The following DTNA variants were observed in gnomAD, a reference collection of about 807,000 sequenced individuals.
DTNA encodes dystrophin-related protein 3.
A neutral mutation model predicts 100.7 loss-of-function variants in DTNA; 43 were observed. The observed-to-expected ratio is 0.43, with a 90% CI of 0.33 to 0.55. DTNA has a LOEUF of 0.55. Among genes scored for constraint, DTNA ranks in the 20% least tolerant of loss-of-function variants. The probability of loss-of-function intolerance (pLI) is 0.04; values close to 1 mark genes in which losing one functional copy is unlikely to be tolerated. For missense variants in DTNA, 798 were observed against 953.9 expected, an observed-to-expected ratio of 0.84 and a Z score of 2.15; for synonymous variants, 349 against 347.9, an observed-to-expected ratio of 1.00 and a Z score of -0.04.
intron 17 of DTNA, among the ~76,000 whole-genome samples, chr18:34,874,974 G>A (rs1025791893): frequency 3.3e-5 from 5 of 152,296 alleles, no homozygotes; most frequent in East Asian, 3.9e-4. Context: ...TTCATTTTAT[G>A]GGCACATGTC....
At chr18:34,566,168 G>C (rs111669149) in intron 1 of DTNA, among the ~76,000 whole-genome samples, 1 of 152,066 alleles carries the variant, frequency 6.6e-6, no homozygotes, top group Non-Finnish European at 1.5e-5. Flanking sequence ...CAATGACCAA[G>C]TAATGTCCAT....
intron 2 of DTNA, among the ~76,000 whole-genome samples, chr18:34,760,670 G>A (rs565286134): frequency 1.5e-3 from 225 of 152,286 alleles, no homozygotes; most frequent in Non-Finnish European, 2.6e-3. Flanking sequence ...TGCGGTCTTT[G>A]AACAACTGCC....
intron 13 of DTNA, among the ~76,000 whole-genome samples, chr18:34,846,452 G>A (rs2149835894): frequency 6.6e-6 from 1 of 152,178 alleles, no homozygotes; most frequent in South Asian, 2.1e-4. Flanking sequence ...TCTCATTTGA[G>A]CAAAAGGAAA....
intron 1 of DTNA, among the ~76,000 whole-genome samples, chr18:34,620,256 T>C (rs2056207061): frequency 6.6e-6 from 1 of 152,094 alleles, no homozygotes; most frequent in African/African-American, 2.4e-5. Context: ...TTTGATGGTG[T>C]AGAAAGGAAA....
intron 9 of DTNA, among the ~76,000 whole-genome samples, chr18:34,821,635 C>T (rs1206192331): frequency 1.3e-5 from 2 of 152,108 alleles, no homozygotes; most frequent in African/African-American, 4.8e-5. Flanking sequence ...CTTGGTGTTA[C>T]CTGGGGCTCA....
At chr18:34,540,046 A>C (rs1263789429) in intron 1 of DTNA, among the ~76,000 whole-genome samples, 1 of 151,958 alleles carries the variant, frequency 6.6e-6, no homozygotes, top group Admixed American at 6.6e-5. Context: ...TGATTTTTGA[A>C]TAATTCATTT....
intron 1 of DTNA, among the ~76,000 whole-genome samples, chr18:34,670,301 G>A (rs547874961): frequency 6.6e-5 from 10 of 152,220 alleles, no homozygotes; most frequent in Non-Finnish European, 1.5e-4. Flanking sequence ...CTCTGCATTG[G>A]TTATTCTAGT....
intron 1 of DTNA, among the ~76,000 whole-genome samples, chr18:34,500,875 G>T (rs959884723): frequency 6.6e-6 from 1 of 152,134 alleles, no homozygotes; most frequent in Admixed American, 6.5e-5. Context: ...TAACAGATTA[G>T]CTATGTAGAC....
intron 1 of DTNA, among the ~76,000 whole-genome samples, chr18:34,733,547 T>C (rs2088823081): frequency 1.3e-5 from 2 of 152,182 alleles, no homozygotes; most frequent in Non-Finnish European, 2.9e-5. Context: ...GATCCAATTA[T>C]TCCCACTGTA....
chr18:34,854,177 G>T (rs1003631822), intron 15 of DTNA, among the ~76,000 whole-genome samples: 1 of 152,162 alleles, frequency 6.6e-6, no homozygotes, highest in African/African-American at 2.4e-5. Context: ...GTCCTCAAAT[G>T]TACTGATACT....
intron 3 of DTNA, among the ~76,000 whole-genome samples, chr18:34,769,157 C>T (rs2093635411): frequency 6.6e-6 from 1 of 152,166 alleles, no homozygotes; most frequent in Admixed American, 6.5e-5. Context: ...ATTGTTTCTA[C>T]CTTCATCAGA....
intron 4 of DTNA, among the ~76,000 whole-genome samples, chr18:34,798,038 C>A (rs147298373): frequency 6.6e-6 from 1 of 152,130 alleles, no homozygotes; most frequent in Non-Finnish European, 1.5e-5. Flanking sequence ...CTCACTCTGC[C>A]GCCCAGGCTG....
At chr18:34,829,066 G>A (rs187548431) in intron 10 of DTNA, 17 of 1,614,054 alleles carry the variant, frequency 1.1e-5, no homozygotes, top group East Asian at 6.7e-5. Flanking sequence ...TGGTGGATGC[G>A]TCTAGATGGA....
At chr18:34,684,695 T>C (rs962804321) in intron 1 of DTNA, among the ~76,000 whole-genome samples, 2 of 152,214 alleles carry the variant, frequency 1.3e-5, no homozygotes, top group African/African-American at 4.8e-5. Context: ...ATGGTATTTC[T>C]GGTTCTAGCT....
chr18:34,836,442 C>T (rs1318013139), intron 11 of DTNA, among the ~76,000 whole-genome samples: 2 of 151,976 alleles, frequency 1.3e-5, no homozygotes, highest in Admixed American at 6.6e-5. Flanking sequence ...CACTTGAGGT[C>T]GGGAGTTCGA....
At chr18:34,762,905 G>A (rs2093270015) in intron 2 of DTNA, among the ~76,000 whole-genome samples, 1 of 152,134 alleles carries the variant, frequency 6.6e-6, no homozygotes, top group South Asian at 2.1e-4. Flanking sequence ...GTGCACTTCA[G>A]GCCCAAAGCA....
chr18:34,503,150 G>C (rs1333070962), intron 1 of DTNA, among the ~76,000 whole-genome samples: 1 of 151,694 alleles, frequency 6.6e-6, no homozygotes, highest in Non-Finnish European at 1.5e-5. Flanking sequence ...TACTTTGTCT[G>C]ATATTAATAT....
intron 3 of DTNA, among the ~76,000 whole-genome samples, chr18:34,770,134 T>A (rs2093694303): frequency 6.6e-6 from 1 of 152,202 alleles, no homozygotes; most frequent in Non-Finnish European, 1.5e-5. Context: ...GGATTAAGTT[T>A]CAGCATGAGA....
intron 1 of DTNA, among the ~76,000 whole-genome samples, chr18:34,652,469 C>A (rs2060572051): frequency 6.6e-6 from 1 of 152,150 alleles, no homozygotes; most frequent in Non-Finnish European, 1.5e-5. Flanking sequence ...ATTTCCTTGA[C>A]TGGAATGTTC....
Sources: allele counts gnomAD v4.1 joint callset (sites outside exome capture counted in the v4.1 genomes callset), GRCh38; gene constraint gnomAD v4.1.1; transcripts MANE v1.5; gene names NCBI Gene and HGNC (gene_info 2026-07-23, HGNC 2026-07-21).